SPTLC3: variants seen among roughly 807,000 people sequenced by gnomAD.
SPTLC3 encodes serine palmitoyltransferase long chain base subunit 3.
A neutral mutation model predicts 59.3 loss-of-function variants in SPTLC3; 36 were observed. The ratio of observed to expected loss-of-function variants is 0.61; its 90% CI spans 0.47 to 0.80. The LOEUF (loss-of-function observed/expected upper bound fraction) is 0.80, where lower values mean the gene tolerates loss of function less well. Among genes scored for constraint, SPTLC3 ranks in the 30% least tolerant of loss-of-function variants. The pLI, the probability that SPTLC3 is intolerant of heterozygous loss-of-function variation, is 0.00. For missense variants in SPTLC3, 625 were observed against 685.1 expected (o/e 0.91, Z 0.98); for synonymous variants, 257 against 240.8 (o/e 1.07, Z -0.62).
At chr20:13,154,305 C>T (rs2038716856) in intron 10 of SPTLC3, among the ~76,000 whole-genome samples, 167 bp downstream of exon 10, 1 of 152,148 alleles carries the variant, frequency 6.6e-6, no homozygotes, top group South Asian at 2.1e-4. Context: ...AGACCCTTCC[C>T]ACAGGTCTTA....
intron 9 of SPTLC3, among the ~76,000 whole-genome samples, chr20:13,136,196 G>T (rs1426001662): frequency 6.6e-6 from 1 of 152,086 alleles, no homozygotes; most frequent in Non-Finnish European, 1.5e-5. Flanking sequence ...CAGGGGAGGG[G>T]ACAATGTGTC....
chr20:13,138,016 G>T (rs906939417), intron 9 of SPTLC3, among the ~76,000 whole-genome samples: 5 of 152,130 alleles, frequency 3.3e-5, no homozygotes, highest in African/African-American at 1.2e-4. Flanking sequence ...GACCCTTCTA[G>T]TTCTTGCCAC....
intron 9 of SPTLC3, among the ~76,000 whole-genome samples, chr20:13,129,224 A>G (rs1019472078): frequency 2.6e-5 from 4 of 152,116 alleles, no homozygotes; most frequent in Non-Finnish European, 4.4e-5. Context: ...CTGGTCGGGA[A>G]CACCTGGCCT....
At chr20:13,011,828 C>T (rs999348928) in intron 1 of SPTLC3, among the ~76,000 whole-genome samples, 1 of 151,926 alleles carries the variant, frequency 6.6e-6, no homozygotes, top group Admixed American at 6.6e-5. Flanking sequence ...TTATTCCCAA[C>T]ATGGCCTCCT....
intron 9 of SPTLC3, 120 bp from the exon 10 acceptor site, chr20:13,153,883 C>T: frequency 1.5e-6 from 2 of 1,322,434 alleles, no homozygotes; most frequent in Non-Finnish European, 2.1e-6. Context: ...TCCCTACTTC[C>T]TCCTCCCAGC....
Position 13,110,171 on chromosome 20 carries a change from C to A in SPTLC3, c.886C>A (p.Arg296Ser). 1 of 1,613,618 alleles carries A rather than the reference C, an allele frequency of 6.2e-7. No homozygotes were observed. Among genetic ancestry groups the A allele is most frequent in the Non-Finnish European group, 8.5e-7 (1 of 1,179,746 alleles). ...TGTCATCTATGGCCAGCCTCGAACC[C>A]GCAGAGCTTGGAAAAAGATTCTCAT... is the stretch of plus-strand genomic sequence containing the variant. ...DAVIYGQPRT[R>S]RAWKKILILV... Residue 296 changes from arginine (R) to serine (S), a missense_variant, in exon 7 of 12, where the codon CGC becomes AGC. Arg to Ser is a moderately radical substitution (Grantham distance 110). Coordinates refer to ENST00000399002, the MANE Select transcript of SPTLC3 (RefSeq NM_018327.4).
At chr20:13,054,811 G>A (rs577331883) in intron 2 of SPTLC3, among the ~76,000 whole-genome samples, 7 of 152,104 alleles carry the variant, frequency 4.6e-5, no homozygotes, top group African/African-American at 1.4e-4. Context: ...TCAGCATGTC[G>A]ACAGGAATCA....
At chr20:13,088,458 C>G (rs1309203850) in intron 4 of SPTLC3, among the ~76,000 whole-genome samples, 3 of 152,000 alleles carry the variant, frequency 2.0e-5, no homozygotes, top group Non-Finnish European at 4.4e-5. Context: ...CCTCAGCCTC[C>G]CGAGTAGCTG....
intron 1 of SPTLC3, 55 bp downstream of exon 1, chr20:13,009,439 C>A: frequency 1.4e-6 from 2 of 1,478,610 alleles, no homozygotes; most frequent in South Asian, 2.3e-5. Context: ...TTCAATATTT[C>A]TCTGTGAAGA....
rs1009493618 is a variant in SPTLC3, at chr20:13,133,587, A to T, written c.1279+6870A>T. On this transcript the variant is annotated intron_variant, in intron 9 of 11. Coordinates refer to ENST00000399002, the MANE Select transcript of SPTLC3 (RefSeq NM_018327.4). ...CGTCTCTACTAAAAATACAAAAATTAGCTGGGCATGGTGGCACAAACCTGT... is the reference window on the plus strand; with the variant it reads ...CGTCTCTACTAAAAATACAAAAATTTGCTGGGCATGGTGGCACAAACCTGT... Among the ~76,000 whole-genome samples the T allele has an allele frequency of 2.6e-5, 4 of 152,222 alleles. No individual in the cohort carries two copies. The East Asian group carries it at 7.7e-4, about 29-fold the overall frequency.
At chr20:13,066,819 A>G (rs1018387515) in intron 2 of SPTLC3, among the ~76,000 whole-genome samples, 3 of 150,460 alleles carry the variant, frequency 2.0e-5, no homozygotes, top group Non-Finnish European at 4.4e-5. Flanking sequence ...CAATCTTGCC[A>G]TGTCTATTAG....
At chr20:13,119,088 C>A (rs922935500) in intron 8 of SPTLC3, among the ~76,000 whole-genome samples, 1 of 152,232 alleles carries the variant, frequency 6.6e-6, no homozygotes, top group Non-Finnish European at 1.5e-5. Flanking sequence ...CCTTCCTAGA[C>A]TGTCGAAGCA....
chr20:13,135,483 T>C (rs1427386347), intron 9 of SPTLC3, among the ~76,000 whole-genome samples: 1 of 152,204 alleles, frequency 6.6e-6, no homozygotes, highest in Non-Finnish European at 1.5e-5. Context: ...ACCTGATGCA[T>C]CTAGTGAATA....
At chr20:13,034,604 G>A (rs1027401259) in intron 1 of SPTLC3, among the ~76,000 whole-genome samples, 1 of 152,024 alleles carries the variant, frequency 6.6e-6, no homozygotes, top group African/African-American at 2.4e-5. Context: ...GAGAGTGGCT[G>A]AAAACATCTA....
Position 13,168,120 on chromosome 20 carries a change from G to T in SPTLC3, c.*3253G>T, listed in dbSNP as rs1381616597. 1.3e-5 allele frequency: 2 copies of T among 150,864 alleles called. No individual in the cohort carries two copies. The highest frequency in any genetic ancestry group is 4.9e-5 in the African/African-American group (2 of 41,042). The allele number at this position is 150,864 out of a possible 1,614,324, so 9.3% of individuals were successfully genotyped here. A position where few individuals can be genotyped will look rare whatever the true frequency, so the allele number is the denominator to read the frequency against. On this transcript the variant is annotated 3_prime_UTR_variant, in exon 12 of 12. Transcript: ENST00000399002. The stretch of plus-strand genomic sequence containing the variant: ...AAAATTATGCCTTCTTCAGTTTTCT[G>T]TATCATTCCCTATAAGATGCCCATT...
At chr20:13,138,547 C>T (rs143653601) in intron 9 of SPTLC3, among the ~76,000 whole-genome samples, 38 of 152,266 alleles carry the variant, frequency 2.5e-4, no homozygotes, top group Admixed American at 1.0e-3. Context: ...GCATCAAATA[C>T]GTGAGTGAAT....
rs1159771550 is a variant in SPTLC3 at position 13,072,417 on chromosome 20, G to T, written c.458+7G>T. ...ACTATAACTGGACGTTTAGGTGAGAGAACTTCTTGGAGGGGATTGGTGAAA... is the reference window on the plus strand; with the variant it reads ...ACTATAACTGGACGTTTAGGTGAGATAACTTCTTGGAGGGGATTGGTGAAA... On this transcript the variant is annotated splice_region_variant and intron_variant, in intron 3 of 11. Coordinates refer to ENST00000399002, the MANE Select transcript of SPTLC3 (RefSeq NM_018327.4). The T allele has an allele frequency of 5.7e-6, 9 of 1,570,938 alleles. No homozygotes were observed. The highest frequency in any genetic ancestry group is 2.3e-5 in the East Asian group (1 of 43,964).
At chr20:13,056,637 A>G (rs1385537061) in intron 2 of SPTLC3, among the ~76,000 whole-genome samples, 1 of 151,572 alleles carries the variant, frequency 6.6e-6, no homozygotes, top group African/African-American at 2.4e-5. Context: ...TTTGGTAAAG[A>G]CAGGGTTTTG....
intron 4 of SPTLC3, among the ~76,000 whole-genome samples, chr20:13,076,523 G>GAA (rs60857029): frequency 1.3e-5 from 2 of 151,322 alleles, no homozygotes; most frequent in Non-Finnish European, 2.9e-5. Flanking sequence ...TGTTCCAGGG[G>GAA]AAAAAGGAAA....
Sources: allele counts gnomAD v4.1 joint callset (sites outside exome capture counted in the v4.1 genomes callset), GRCh38; gene constraint gnomAD v4.1.1; transcripts MANE v1.5; gene names NCBI Gene and HGNC (gene_info 2026-07-23, HGNC 2026-07-21).